Variants in BOC observed in about 807,000 individuals in gnomAD.
BOC encodes the protein BOC cell adhesion associated, oncogene regulated.
BOC carries 76 observed loss-of-function variants against 112.0 expected under a neutral mutation model. That is an observed-to-expected ratio of 0.68 (90% CI 0.56 to 0.82). The LOEUF is 0.82. Among genes scored for constraint, BOC ranks in the 40% least tolerant of loss-of-function variants. BOC has a pLI of 0.00. For missense variants in BOC, 1,309 were observed against 1,511.7 expected (o/e 0.87, Z 2.22); for synonymous variants, 580 against 599.8 (o/e 0.97, Z 0.48).
rs1559890508 is a variant in BOC, at chr3:113,283,624, C to G, written c.2648C>G (p.Ser883Cys). The G allele has an allele frequency of 1.2e-6, 2 of 1,613,378 alleles. No homozygotes were observed. The highest frequency in any genetic ancestry group is 1.7e-6 in the Non-Finnish European group (2 of 1,179,720). ...CCCTTCTGCTTGTGGAGGGCCTGGTCTAAGCAAAGTGAGTGAGTGACGCTT... is the reference window on the plus strand; with the variant it reads ...CCCTTCTGCTTGTGGAGGGCCTGGTGTAAGCAAAGTGAGTGAGTGACGCTT... ...FIPFCLWRAW[S>C]KQKHTTDLGF... Residue 883 changes from serine (S) to cysteine (C), a missense_variant, in exon 16 of 20, where the codon TCT (serine) becomes TGT (cysteine). Transcript: ENST00000682979.
At chr3:113,230,459 C>CA (rs1158974239) in intron 2 of BOC, among the ~76,000 whole-genome samples, 1 of 152,184 alleles carries the variant, frequency 6.6e-6, no homozygotes, top group Admixed American at 6.5e-5. Flanking sequence ...CCAAGACCAG[C>CA]AAGCAGGGGA....
intron 6 of BOC, chr3:113,271,424 A>G: frequency 2.9e-6 from 1 of 341,216 alleles, no homozygotes; most frequent in South Asian, 2.3e-5. Flanking sequence ...GGAGGCCCAC[A>G]TGCTCTCAAT....
In BOC at chr3:113,286,896, G is replaced by GA. The variant is rs1553750179; in HGVS notation, c.*34_*35insA. ...TGATATCCCAGAAAGACTATATATT[G>GA]TTTTTTTTTTAAAAAAAAAAAGAAG... On this transcript the variant is annotated 3_prime_UTR_variant, in exon 20 of 20. Transcript: ENST00000682979. 43 of 1,291,690 alleles carry GA rather than the reference G, an allele frequency of 3.3e-5. No individual in the cohort carries two copies. The highest frequency in any genetic ancestry group is 4.2e-5 in the Non-Finnish European group (41 of 965,544). The allele number at this position is 1,291,690 out of a possible 1,614,324, so 80.0% of individuals were successfully genotyped here.
At chr3:113,233,148 G>GGGGGGGGT (rs75678874) in intron 2 of BOC, among the ~76,000 whole-genome samples, 4 of 123,960 alleles carry the variant, frequency 3.2e-5, no homozygotes, top group African/African-American at 9.2e-5. Context: ...AAAGGATTGG[G>GGGGGGGGT]GTGTGTGTGT....
chr3:113,235,604 G>C (rs1943319889), intron 2 of BOC, among the ~76,000 whole-genome samples: 1 of 152,126 alleles, frequency 6.6e-6, no homozygotes, highest in African/African-American at 2.4e-5. Flanking sequence ...CATAAGTGGG[G>C]GAAGGTGAAG....
chr3:113,260,906 C>A (rs71319363), intron 4 of BOC, among the ~76,000 whole-genome samples: 1 of 151,940 alleles, frequency 6.6e-6, no homozygotes, highest in Admixed American at 6.6e-5. Context: ...CCAAAACCAT[C>A]CCCCCCAGTC....
chr3:113,257,814 A>G (rs1297701789), intron 4 of BOC, among the ~76,000 whole-genome samples: 2 of 152,194 alleles, frequency 1.3e-5, no homozygotes, highest in East Asian at 3.8e-4. Flanking sequence ...GCAAGACCAA[A>G]ATTCATGAGT....
intron 13 of BOC, among the ~76,000 whole-genome samples, chr3:113,280,260 T>TCTCAGCCACAGGGGCCCCTC (rs1949069085): frequency 6.6e-6 from 1 of 151,170 alleles, no homozygotes; most frequent in African/African-American, 2.4e-5. Flanking sequence ...CAGGGCCCCT[T>TCTCAGCCACAGGGGCCCCTC]CTCAGCCACA....
chr3:113,230,697 A>G (rs1245417648), intron 2 of BOC, among the ~76,000 whole-genome samples: 1 of 152,216 alleles, frequency 6.6e-6, no homozygotes, highest in Non-Finnish European at 1.5e-5. Context: ...TGTTGTAAAT[A>G]TATGCCTCAA....
chr3:113,251,085 G>GCATGGCAGAACTTGA, intron 4 of BOC: 3 of 605,060 alleles, frequency 5.0e-6, no homozygotes, highest in Non-Finnish European at 8.8e-6. Context: ...ATTGGTCAGT[G>GCATGGCAGAACTTGA]CATGGCAGAA....
intron 2 of BOC, among the ~76,000 whole-genome samples, chr3:113,217,217 G>A (rs556837546): frequency 3.3e-5 from 5 of 152,290 alleles, no homozygotes; most frequent in South Asian, 2.1e-4. Context: ...GAATGGGTCC[G>A]TTAAGAAAGA....
At chr3:113,219,979 C>G (rs1157785428) in intron 2 of BOC, among the ~76,000 whole-genome samples, 1 of 152,004 alleles carries the variant, frequency 6.6e-6, no homozygotes, top group African/African-American at 2.4e-5. Context: ...TCCTTTTGCT[C>G]CTAGGATCTC....
intron 6 of BOC, chr3:113,272,113 C>CA (rs1449946259): frequency 2.1e-6 from 1 of 480,550 alleles, no homozygotes; most frequent in Non-Finnish European, 3.8e-6. Context: ...TACACTCCCT[C>CA]ACCTTTCTCT....
intron 4 of BOC, among the ~76,000 whole-genome samples, chr3:113,256,140 A>C (rs1303869289): frequency 6.6e-6 from 1 of 152,176 alleles, no homozygotes; most frequent in Non-Finnish European, 1.5e-5. Context: ...GTGGTTGTCA[A>C]ACATTTCTGG....
Position 113,278,896 on chromosome 3 carries a change from T to C in BOC, c.1816+113T>C, listed in dbSNP as rs9853439. On this transcript the variant is annotated intron_variant, in intron 11 of 19. Coordinates refer to ENST00000682979, the MANE Select transcript of BOC (RefSeq NM_001378074.1). This position sits in a 1 kb window ranked among gnomAD's most constrained non-coding sequence, Gnocchi z 4.2. Reference sequence around the variant, plus strand: ...CTGTAGGTCCAGGGTTTTTATGACATCTCCCAGTTAACCACAATGAGGAAA... The same window carrying C: ...CTGTAGGTCCAGGGTTTTTATGACACCTCCCAGTTAACCACAATGAGGAAA... 17,658 of 863,042 alleles carry C rather than the reference T, an allele frequency of 0.02. 247 individuals are homozygous for C. Among genetic ancestry groups the C allele is most frequent in the Middle Eastern group, 0.063 (195 of 3,074 alleles). The allele number at this position is 863,042 out of a possible 1,614,324, so 53.5% of individuals were successfully genotyped here. A position where few individuals can be genotyped will look rare whatever the true frequency, so the allele number is the denominator to read the frequency against.
At position 113,259,655 on chromosome 3, in the gene BOC, C is replaced by A. The variant is rs376893749; in HGVS notation, c.377-8644C>A. ...TTTGGAGTCTGGTAATAATCTTGAG[C>A]TCTATAGAACAGTGAGTCTGTCCTG... On this transcript the variant is annotated intron_variant, in intron 4 of 19. Coordinates refer to ENST00000682979, the MANE Select transcript of BOC (RefSeq NM_001378074.1). Among the ~76,000 whole-genome samples the A allele has an allele frequency of 1.4e-4, 22 of 152,252 alleles. 1 individual carries two copies. The East Asian group carries it at 2.1e-3, about 15-fold the overall frequency.
chr3:113,236,760 T>C (rs1943620333), intron 2 of BOC, among the ~76,000 whole-genome samples: 1 of 152,208 alleles, frequency 6.6e-6, no homozygotes, highest in South Asian at 2.1e-4. Context: ...AGGATGTTGA[T>C]CTATAAGCCA....
chr3:113,232,220 G>A (rs1329228705), intron 2 of BOC, among the ~76,000 whole-genome samples: 2 of 152,194 alleles, frequency 1.3e-5, no homozygotes, highest in Non-Finnish European at 2.9e-5. Context: ...TTCTCTGCAT[G>A]TGCCAGCCTT....
intron 2 of BOC, among the ~76,000 whole-genome samples, chr3:113,245,088 C>T (rs759870559): frequency 1.2e-4 from 18 of 151,898 alleles, no homozygotes; most frequent in Non-Finnish European, 2.1e-4. Context: ...CATTACTCTA[C>T]GATACTTGTT....
Sources: allele counts gnomAD v4.1 joint callset (sites outside exome capture counted in the v4.1 genomes callset), GRCh38; gene constraint gnomAD v4.1.1; non-coding constraint Gnocchi (gnomAD v3.1); transcripts MANE v1.5; gene names NCBI Gene and HGNC (gene_info 2026-07-23, HGNC 2026-07-21).